The following NUDCD3 variants were observed in gnomAD, a reference collection of about 807,000 sequenced individuals.
NUDCD3 encodes NudC domain containing 3.
In NUDCD3, 13 loss-of-function variants were observed where a neutral mutation model predicts 39.7. The observed-to-expected ratio is 0.33, with a 90% confidence interval of 0.21 to 0.52. The LOEUF is 0.52. NUDCD3 is among the 20% of genes least tolerant of loss of function. NUDCD3 has a pLI of 0.96. For synonymous variants in NUDCD3, 175 were observed against 172.4 expected (o/e 1.02, Z -0.12); for missense variants, 453 against 458.1 (o/e 0.99, Z 0.10).
intron 4 of NUDCD3, among the ~76,000 whole-genome samples, chr7:44,396,087 TTG>T (rs10585173): frequency 0.33 from 47,237 of 144,608 alleles, 7,743 homozygotes; most frequent in Admixed American, 0.42. Flanking sequence ...TTATCTTCTG[TTG>T]TGTGTGTGTG....
rs367769690 is a variant in NUDCD3 at position 44,386,029 on chromosome 7, C to G, written c.1068G>C (p.Pro356=). The G allele has an allele frequency of 6.5e-7, 1 of 1,547,290 alleles. No individual in the cohort carries two copies. The highest frequency in any genetic ancestry group is 8.9e-7 in the Non-Finnish European group (1 of 1,119,112). ...CTGGTCATTAAAACTGCACAGCCCC[C>G]GGGGAGATGTTGAACATGGCAGGGT... The part of the protein sequence containing the change: ...RFDPAMFNIS[P]GAVQF The change falls in exon 6 of 6, where the codon CCG becomes CCC. Residue 356 remains proline, a synonymous_variant. Coordinates refer to ENST00000355451, the MANE Select transcript of NUDCD3 (RefSeq NM_015332.4).
intron 2 of NUDCD3, among the ~76,000 whole-genome samples, chr7:44,454,936 A>AAC (rs10539692): frequency 0.033 from 4,787 of 143,276 alleles, 97 homozygotes; most frequent in African/African-American, 0.064. Flanking sequence ...CCTGTCTCAA[A>AAC]ACACACACAC....
chr7:44,429,565 C>T (rs1208619506), intron 2 of NUDCD3, among the ~76,000 whole-genome samples: 5 of 152,140 alleles, frequency 3.3e-5, no homozygotes, highest in Non-Finnish European at 5.9e-5. Flanking sequence ...CAACATTTTT[C>T]GTTTAAGCCG....
chr7:44,459,693 G>C (rs751985711), intron 2 of NUDCD3, among the ~76,000 whole-genome samples: 3 of 152,128 alleles, frequency 2.0e-5, no homozygotes, highest in Non-Finnish European at 2.9e-5. Flanking sequence ...TGGAGAAGAA[G>C]ATACCATTGC....
chr7:44,442,201 T>A (rs1397435981), intron 2 of NUDCD3, among the ~76,000 whole-genome samples: 1 of 152,204 alleles, frequency 6.6e-6, no homozygotes, highest in Non-Finnish European at 1.5e-5. Flanking sequence ...AATATTGTTA[T>A]CATCAAAGAG....
intron 2 of NUDCD3, among the ~76,000 whole-genome samples, chr7:44,453,769 C>T (rs1375572443): frequency 5.3e-5 from 8 of 152,048 alleles, no homozygotes; most frequent in African/African-American, 1.7e-4. Context: ...CTTGGCCAGG[C>T]GTGGTGGCTC....
At chr7:44,453,361 AAATAAAT>A (rs1799831206) in intron 2 of NUDCD3, among the ~76,000 whole-genome samples, 2 of 151,176 alleles carry the variant, frequency 1.3e-5, no homozygotes, top group African/African-American at 4.9e-5. Context: ...TCAAAAAAAT[AAATAAAT>A]AAATAAATAA....
At chr7:44,469,911 T>C (rs1800218220) in intron 2 of NUDCD3, among the ~76,000 whole-genome samples, 1 of 151,326 alleles carries the variant, frequency 6.6e-6, no homozygotes, top group Admixed American at 6.6e-5. Context: ...AAACTGTCAC[T>C]GTCCCAGATA....
chr7:44,386,318 T>C (rs1798401739), intron 5 of NUDCD3, among the ~76,000 whole-genome samples, 197 bp from the exon 6 acceptor site: 1 of 152,182 alleles, frequency 6.6e-6, no homozygotes, highest in South Asian at 2.1e-4. Flanking sequence ...TGCCTGCCAA[T>C]TTCTCTCCAA....
intron 3 of NUDCD3, among the ~76,000 whole-genome samples, chr7:44,417,664 G>A (rs1193457875): frequency 6.6e-6 from 1 of 152,122 alleles, no homozygotes; most frequent in African/African-American, 2.4e-5. Flanking sequence ...AAAATGAAAT[G>A]GAAATCAACA....
chr7:44,387,015 G>C (rs1177626264), intron 5 of NUDCD3, among the ~76,000 whole-genome samples: 1 of 152,148 alleles, frequency 6.6e-6, no homozygotes, highest in Non-Finnish European at 1.5e-5. Flanking sequence ...ACTATGTAGG[G>C]CCAGTAGTTA....
At position 44,437,210 on chromosome 7, in the gene NUDCD3, C is replaced by T. The variant is rs533259233; in HGVS notation, c.510-9507G>A. The stretch of plus-strand genomic sequence containing the variant: ...TCAGCCTCCCAAGTAGCTGGGATTA[C>T]AGGTGTGTGCCACCACACCTGGCTA... On this transcript the variant is annotated intron_variant, in intron 2 of 5. Coordinates refer to ENST00000355451, the MANE Select transcript of NUDCD3 (RefSeq NM_015332.4). Among the ~76,000 whole-genome samples, 83 of 151,728 alleles carry T rather than the reference C, an allele frequency of 5.5e-4. No homozygotes were observed. In the South Asian group the frequency reaches 6.9e-3, roughly 13 times the overall value.
At chr7:44,439,776 C>T (rs758991713) in intron 2 of NUDCD3, among the ~76,000 whole-genome samples, 2 of 151,852 alleles carry the variant, frequency 1.3e-5, no homozygotes, top group South Asian at 4.2e-4. Flanking sequence ...TTATAATGAA[C>T]AAATGAGGGA....
chr7:44,427,930 G>T (rs1799269797), intron 2 of NUDCD3, among the ~76,000 whole-genome samples: 1 of 151,998 alleles, frequency 6.6e-6, no homozygotes, highest in African/African-American at 2.4e-5. Flanking sequence ...CAAAGCTACA[G>T]AAAAGAAACC....
intron 3 of NUDCD3, among the ~76,000 whole-genome samples, chr7:44,407,948 T>C (rs2116878416): frequency 6.6e-6 from 1 of 152,150 alleles, no homozygotes; most frequent in Admixed American, 6.5e-5. Flanking sequence ...AAGGAAAATA[T>C]GCCTCCAGAT....
rs571765541 is a variant in NUDCD3, at chr7:44,418,287, C to T, written c.642+9284G>A. 2.0e-5 allele frequency among the ~76,000 whole-genome samples: 3 copies of T among 152,212 alleles called. No individual in the cohort carries two copies. The South Asian group carries it at 6.2e-4, about 32-fold the overall frequency. Reference sequence around the variant, plus strand: ...CAAGGTGCAAGCCAAGTTGCCCCCACCATACAGAGAGGTTCATTTCCTATA... The same window carrying T: ...CAAGGTGCAAGCCAAGTTGCCCCCATCATACAGAGAGGTTCATTTCCTATA... On this transcript the variant is annotated intron_variant, in intron 3 of 5. Transcript: ENST00000355451.
intron 2 of NUDCD3, among the ~76,000 whole-genome samples, chr7:44,438,140 G>A (rs1799500958): frequency 1.3e-5 from 2 of 152,134 alleles, no homozygotes; most frequent in Non-Finnish European, 2.9e-5. Context: ...AGGACTGCTT[G>A]AGGGCAGGAG....
chr7:44,465,106 C>G (rs1411606396), intron 2 of NUDCD3, among the ~76,000 whole-genome samples: 1 of 152,136 alleles, frequency 6.6e-6, no homozygotes, highest in African/African-American at 2.4e-5. Context: ...GCCCTAGACC[C>G]CACACGAGCA....
At chr7:44,476,717 G>A (rs957531637) in intron 2 of NUDCD3, among the ~76,000 whole-genome samples, 1 of 152,188 alleles carries the variant, frequency 6.6e-6, no homozygotes, top group Non-Finnish European at 1.5e-5. Context: ...CATGCACTGG[G>A]GGGGTCATCT....
Sources: gnomAD v4.1 joint callset for allele counts (sites outside exome capture counted in the v4.1 genomes callset) on GRCh38, gnomAD v4.1.1 for gene constraint, MANE v1.5 for transcripts, NCBI Gene and HGNC (gene_info 2026-07-23, HGNC 2026-07-21) for gene names.